The following TTLL9 variants were observed in gnomAD, a reference collection of about 807,000 sequenced individuals.
TTLL9 encodes the protein tubulin tyrosine ligase like 9.
In TTLL9, 47 loss-of-function variants were observed where a neutral mutation model predicts 65.6. The observed-to-expected ratio is 0.72, with a 90% CI of 0.57 to 0.91. The LOEUF (loss-of-function observed/expected upper bound fraction) is 0.91, where lower values mean the gene tolerates loss of function less well. Ranked by LOEUF, TTLL9 falls within the 40% of genes least tolerant of loss-of-function variation. TTLL9 has a pLI of 0.00. For synonymous variants in TTLL9, 179 were observed against 204.8 expected, an observed-to-expected ratio of 0.87 and a Z score of 1.07; for missense variants, 537 against 568.8, an observed-to-expected ratio of 0.94 and a Z score of 0.57.
chr20:31,919,514 G>A (rs1368509989), intron 6 of TTLL9, among the ~76,000 whole-genome samples: 2 of 152,266 alleles, frequency 1.3e-5, no homozygotes, highest in South Asian at 2.1e-4. Context: ...AGTATTAGCC[G>A]GAGCAAACCC....
chr20:31,894,012 T>C (rs1450286581), intron 3 of TTLL9, among the ~76,000 whole-genome samples: 12 of 151,968 alleles, frequency 7.9e-5, no homozygotes, highest in African/African-American at 2.9e-4. Context: ...TTTTTCCTTC[T>C]CAATGCCTAG....
Position 31,920,229 on chromosome 20 carries a change from GCACACACA to G in TTLL9, c.573+312_573+319del, listed in dbSNP as rs3046855. Among the ~76,000 whole-genome samples the G allele has an allele frequency of 6.0e-3, 899 of 150,530 alleles. 6 individuals are homozygous for G. The highest frequency in any genetic ancestry group is 0.021 in the African/African-American group (846 of 40,984). ...GCAGTGAGCTAATAAGCAAACACGC[GCACACACA>G]CACACACACACACATTCTCACACAC... On this transcript the variant is annotated intron_variant, in intron 7 of 14. Coordinates refer to ENST00000535842, the MANE Select transcript of TTLL9 (RefSeq NM_001008409.5).
chr20:31,906,349 G>A (rs2063559532), intron 4 of TTLL9, among the ~76,000 whole-genome samples: 1 of 152,216 alleles, frequency 6.6e-6, no homozygotes, highest in South Asian at 2.1e-4. Flanking sequence ...AGCTGTCTGT[G>A]GGGATCTCAC....
intron 10 of TTLL9, among the ~76,000 whole-genome samples, 175 bp from the exon 11 acceptor site, chr20:31,933,625 G>A (rs1478844189): frequency 6.6e-6 from 1 of 152,198 alleles, no homozygotes; most frequent in Non-Finnish European, 1.5e-5. Flanking sequence ...CCCACAGCCA[G>A]GAAAGATGCA....
Position 31,870,925 on chromosome 20 carries a change from T to C in TTLL9, c.-30T>C. The C allele has an allele frequency of 1.6e-6, 1 of 618,426 alleles. No individual in the cohort carries two copies. The highest frequency in any genetic ancestry group is 2.7e-5 in the Admixed American group (1 of 37,470). 38.3% of individuals were successfully genotyped at this position (618,426 alleles called of 1,614,324 possible). On this transcript the variant is annotated 5_prime_UTR_variant, in exon 1 of 15. Coordinates refer to ENST00000535842, the MANE Select transcript of TTLL9 (RefSeq NM_001008409.5). This position sits in a 1 kb window ranked among gnomAD's most constrained non-coding sequence, Gnocchi z 6.6. ...TTGATCGCCGAGGGCTCTCTGCTCT[T>C]CAGAGTCTGCTTGGAACGGGATAAG...
At chr20:31,872,721 GAA>G (rs1420675564) in intron 2 of TTLL9, among the ~76,000 whole-genome samples, 2 of 152,084 alleles carry the variant, frequency 1.3e-5, no homozygotes, top group Non-Finnish European at 2.9e-5. Context: ...ACACGAAAAA[GAA>G]AAAGAGTGGA....
At chr20:31,879,870 G>A in intron 2 of TTLL9, 2 of 1,550,410 alleles carry the variant, frequency 1.3e-6, no homozygotes, top group East Asian at 2.4e-5. Flanking sequence ...TCTGGCCCCT[G>A]GGGAATCGCG....
At chr20:31,878,183 G>A (rs915675414) in intron 2 of TTLL9, among the ~76,000 whole-genome samples, 17 of 152,172 alleles carry the variant, frequency 1.1e-4, no homozygotes, top group Non-Finnish European at 2.2e-4. Flanking sequence ...AATATACAGT[G>A]AGTCATTTTT....
chr20:31,920,027 G>A, intron 7 of TTLL9, 95 bp downstream of exon 7: 1 of 1,189,160 alleles, frequency 8.4e-7, no homozygotes, highest in Non-Finnish European at 1.1e-6. Flanking sequence ...TCAGAGGGCT[G>A]GCAGAGAAAC....
chr20:31,920,250 CAT>C (rs2063797300), intron 7 of TTLL9, among the ~76,000 whole-genome samples: 1 of 151,136 alleles, frequency 6.6e-6, no homozygotes, highest in African/African-American at 2.4e-5. Context: ...CACACACACA[CAT>C]TCTCACACAC....
At position 31,943,972 on chromosome 20, in the gene TTLL9, C is replaced by T. The variant is rs1029190659; in HGVS notation, c.*951C>T. ...GGGGGACTTACTCCCTCTACCACTC[C>T]GCCTGCTTCAGAGTAGTTTCTCTGG... On this transcript the variant is annotated 3_prime_UTR_variant, in exon 15 of 15. Transcript: ENST00000535842. 15 of 374,600 alleles carry T rather than the reference C, an allele frequency of 4.0e-5. No individual in the cohort carries two copies. In the East Asian group the frequency reaches 6.5e-4, roughly 16 times the overall value. The allele number at this position is 374,600 out of a possible 1,614,324, so 23.2% of individuals were successfully genotyped here. A position where few individuals can be genotyped will look rare whatever the true frequency, so the allele number is the denominator to read the frequency against.
At chr20:31,897,772 T>C (rs2063407776) in intron 3 of TTLL9, among the ~76,000 whole-genome samples, 1 of 152,028 alleles carries the variant, frequency 6.6e-6, no homozygotes. Context: ...CTACTCGGCC[T>C]TTCCTGGCAT....
intron 4 of TTLL9, among the ~76,000 whole-genome samples, chr20:31,907,564 A>T (rs907722808): frequency 1.3e-5 from 2 of 152,130 alleles, no homozygotes; most frequent in African/African-American, 2.4e-5. Flanking sequence ...TCTACTAAAA[A>T]TAAAAAATTA....
At chr20:31,884,569 C>T (rs1274247095) in intron 2 of TTLL9, among the ~76,000 whole-genome samples, 1 of 152,176 alleles carries the variant, frequency 6.6e-6, no homozygotes, top group Non-Finnish European at 1.5e-5. Context: ...AAAGGGGTCT[C>T]GCTGGGCTAA....
chr20:31,931,440 T>C (rs1190042013), intron 10 of TTLL9, among the ~76,000 whole-genome samples: 4 of 152,116 alleles, frequency 2.6e-5, no homozygotes, highest in Non-Finnish European at 4.4e-5. Flanking sequence ...CACGCCTGGC[T>C]AATTTTTGTA....
At chr20:31,882,651 T>C (rs1162678747) in intron 2 of TTLL9, among the ~76,000 whole-genome samples, 1 of 152,230 alleles carries the variant, frequency 6.6e-6, no homozygotes. Flanking sequence ...TGTAGCCTTG[T>C]CTTTTCTAAA....
chr20:31,935,896 G>T (rs925971898), intron 12 of TTLL9, among the ~76,000 whole-genome samples: 2 of 152,224 alleles, frequency 1.3e-5, no homozygotes, highest in Admixed American at 1.3e-4. Context: ...TTGTGATTAG[G>T]ATGACTCCGG....
At chr20:31,871,236 G>A (rs771380332) in intron 2 of TTLL9, 41 bp downstream of exon 2, 1 of 1,595,844 alleles carries the variant, frequency 6.3e-7, no homozygotes, top group Admixed American at 1.7e-5. Context: ...GTTCCAGTCT[G>A]AAGGAGACTA....
At chr20:31,894,740 C>T (rs2063358059) in intron 3 of TTLL9, among the ~76,000 whole-genome samples, 1 of 149,958 alleles carries the variant, frequency 6.7e-6, no homozygotes, top group African/African-American at 2.5e-5. Context: ...CACACACACA[C>T]ACACATACGT....
Sources: allele counts gnomAD v4.1 joint callset (sites outside exome capture counted in the v4.1 genomes callset), GRCh38; gene constraint gnomAD v4.1.1; non-coding constraint Gnocchi (gnomAD v3.1); transcripts MANE v1.5; gene names NCBI Gene and HGNC (gene_info 2026-07-23, HGNC 2026-07-21).